Variants in ZNF680 observed in about 807,000 individuals in gnomAD.
ZNF680 encodes the protein zinc finger protein 680, also known as hypothetical protein FLJ90430.
In ZNF680, 6 loss-of-function variants were observed where a neutral mutation model predicts 12.1. That is an observed-to-expected ratio of 0.49 (90% CI 0.27 to 0.98). ZNF680 has a LOEUF of 0.98. Among genes scored for constraint, ZNF680 ranks in the 50% least tolerant of loss-of-function variants. The pLI, the probability that ZNF680 is intolerant of heterozygous loss-of-function variation, is 0.12. For synonymous variants in ZNF680, 170 were observed against 199.3 expected (o/e 0.85, Z 1.24); for missense variants, 561 against 616.3 (o/e 0.91, Z 0.95).
the ZNF680 span, among the ~76,000 whole-genome samples, chr7:64,499,972 C>G: frequency 2.6e-5 from 4 of 152,172 alleles, 1 homozygote; most frequent in East Asian, 7.7e-4. Flanking sequence ...AGACACACAA[C>G]TCTCCCTCCC....
At chr7:64,543,949 A>T in intron 2 of ZNF680, 147 bp from the exon 3 acceptor site, 1 of 744,652 alleles carries the variant, frequency 1.3e-6, no homozygotes. Context: ...CTAAATATTT[A>T]GAAAATACTT....
chr7:64,531,276 A>C (rs893125689), intron 3 of ZNF680, among the ~76,000 whole-genome samples: 1 of 152,130 alleles, frequency 6.6e-6, no homozygotes, highest in Non-Finnish European at 1.5e-5. Flanking sequence ...ATTATATCAA[A>C]CACTCTCTCA....
In ZNF680 at chr7:64,521,387, T is replaced by A; in HGVS notation, c.1367A>T (p.His456Leu). ...FSTLTNHKVI[H>L]TGEKSYKCDE... is the part of the protein sequence containing the mutation. ...ACATTTGTAGGATTTCTCTCCAGTATGAATTACTTTATGGTTAGTAAGGGT... is the reference window on the plus strand; with the variant it reads ...ACATTTGTAGGATTTCTCTCCAGTAAGAATTACTTTATGGTTAGTAAGGGT... The change falls in exon 4 of 4, where the codon CAT (histidine) becomes CTT (leucine). Residue 456 changes from histidine to leucine, a missense_variant. Transcript: ENST00000309683. 1 of 1,613,720 alleles carries A rather than the reference T, an allele frequency of 6.2e-7. No homozygotes were observed. The highest frequency in any genetic ancestry group is 8.5e-7 in the Non-Finnish European group (1 of 1,179,726).
the ZNF680 span, among the ~76,000 whole-genome samples, chr7:64,505,174 A>T: frequency 1.3e-5 from 2 of 152,262 alleles, no homozygotes; most frequent in Non-Finnish European, 2.9e-5. Context: ...CATTTCAAAA[A>T]GCATGGCAAT....
At chr7:64,509,666 G>A in the ZNF680 span, among the ~76,000 whole-genome samples, 390 of 152,230 alleles carry the variant, frequency 2.6e-3, 5 homozygotes, top group Admixed American at 0.022. Context: ...GGTACCCTGG[G>A]AGCCTTTTGG....
At chr7:64,526,809 T>C (rs1208790682) in intron 3 of ZNF680, among the ~76,000 whole-genome samples, 1 of 152,194 alleles carries the variant, frequency 6.6e-6, no homozygotes, top group Admixed American at 6.5e-5. Flanking sequence ...AAATTGAAGT[T>C]GTTATGAAAT....
chr7:64,505,784 T>C, the ZNF680 span, among the ~76,000 whole-genome samples: 4 of 151,974 alleles, frequency 2.6e-5, no homozygotes, highest in East Asian at 1.9e-4. Flanking sequence ...TTTTTTTTTT[T>C]CCTCTGCCAT....
chr7:64,522,447 A>C lies in ZNF680; in HGVS notation c.307T>G (p.Ser103Ala). ...DLWPEHSIKD[S>A]FQKVILRGYG... The stretch of plus-strand genomic sequence containing the variant: ...CCTCTCAGTATCACTTTTTGAAAAG[A>C]ATCTTTTATGCTATGCTCTGGCCAA... The change falls in exon 4 of 4, where the codon TCT becomes GCT. Residue 103 changes from serine to alanine, a missense_variant. Transcript: ENST00000309683. 9 of 1,597,654 alleles carry C rather than the reference A, an allele frequency of 5.6e-6. No homozygotes were observed. The highest frequency in any genetic ancestry group is 6.8e-6 in the Non-Finnish European group (8 of 1,173,436).
chr7:64,552,267 G>C (rs896306986), intron 1 of ZNF680, among the ~76,000 whole-genome samples: 7 of 152,160 alleles, frequency 4.6e-5, no homozygotes, highest in African/African-American at 1.4e-4. Context: ...TGGCCATTCT[G>C]GTCTCCAACT....
At chr7:64,544,630 G>A (rs1378139431) in intron 1 of ZNF680, among the ~76,000 whole-genome samples, 198 bp from the exon 2 acceptor site, 1 of 152,068 alleles carries the variant, frequency 6.6e-6, no homozygotes, top group Non-Finnish European at 1.5e-5. Context: ...CTTTAACTCA[G>A]ATAAGAGAAC....
At chr7:64,553,606 T>C (rs2116533834) in intron 1 of ZNF680, among the ~76,000 whole-genome samples, 1 of 152,198 alleles carries the variant, frequency 6.6e-6, no homozygotes, top group Middle Eastern at 3.4e-3. Context: ...ATCTGTGCCC[T>C]CTCCCTCTCC....
At chr7:64,523,576 A>G (rs1165730999) in intron 3 of ZNF680, among the ~76,000 whole-genome samples, 1 of 152,190 alleles carries the variant, frequency 6.6e-6, no homozygotes, top group Non-Finnish European at 1.5e-5. Context: ...ATGTAAAATT[A>G]ACTTTCCAAT....
downstream of ZNF680, among the ~76,000 whole-genome samples, chr7:64,517,611 C>T (rs1455909344): frequency 1.3e-5 from 2 of 152,016 alleles, no homozygotes; most frequent in East Asian, 1.9e-4. Flanking sequence ...CCAGCATCAC[C>T]CTAATACCAA....
intron 3 of ZNF680, among the ~76,000 whole-genome samples, chr7:64,531,862 G>A (rs938643728): frequency 6.6e-6 from 1 of 151,976 alleles, no homozygotes; most frequent in Admixed American, 6.6e-5. Context: ...AACTGAGACT[G>A]TAAGGTCACA....
chr7:64,522,196 T>C lies in ZNF680; in HGVS notation c.558A>G (p.Glu186=). 3 of 1,612,738 alleles carry C rather than the reference T, an allele frequency of 1.9e-6. No homozygotes were observed. The highest frequency in any genetic ancestry group is 2.5e-6 in the Non-Finnish European group (3 of 1,179,186). The change falls in exon 4 of 4, where the codon GAA becomes GAG. Residue 186 remains glutamate (E), a synonymous_variant. Transcript: ENST00000309683. The part of the protein sequence containing the change: ...NTGKKVFKCK[E]CGKSFCMLSH... Reference sequence around the variant, plus strand: ...AAAGCATGCAAAATGATTTGCCACATTCTTTACATTTGAAAACCTTCTTTC... The same window carrying C: ...AAAGCATGCAAAATGATTTGCCACACTCTTTACATTTGAAAACCTTCTTTC...
chr7:64,506,345 G>A, the ZNF680 span, among the ~76,000 whole-genome samples: 16 of 152,164 alleles, frequency 1.1e-4, no homozygotes, highest in African/African-American at 3.9e-4. Context: ...GGGACTACAG[G>A]TGCCCAGCTA....
At chr7:64,538,988 A>G (rs752063903) in intron 3 of ZNF680, among the ~76,000 whole-genome samples, 3 of 151,838 alleles carry the variant, frequency 2.0e-5, no homozygotes, top group Admixed American at 6.6e-5. Flanking sequence ...AAATTTAGCC[A>G]GGTGTGGTGG....
Position 64,522,465 on chromosome 7 carries a change from C to A in ZNF680, c.289G>T (p.Glu97Ter). Residue 97 changes from glutamate (E) to a stop codon, truncating the protein, a stop_gained, in exon 4 of 4, where the codon GAG (glutamate) becomes TAG (stop). Coordinates refer to ENST00000309683, the MANE Select transcript of ZNF680 (RefSeq NM_178558.5). LOFTEE classifies it low-confidence loss of function (END_TRUNC). ...YSHFTEDLWP[E>*]HSIKDSFQKV... ...TGAAAAGAATCTTTTATGCTATGCT[C>A]TGGCCAAAGGTCTTCAGTGAAATGA... 6.4e-7 allele frequency: 1 copy of A among 1,574,012 alleles called. No individual in the cohort carries two copies. Among genetic ancestry groups the A allele is most frequent in the Non-Finnish European group, 8.6e-7 (1 of 1,162,116 alleles).
At chr7:64,506,258 G>A in the ZNF680 span, among the ~76,000 whole-genome samples, 9 of 147,848 alleles carry the variant, frequency 6.1e-5, no homozygotes, top group South Asian at 2.1e-4. Flanking sequence ...GTGCAGGGGC[G>A]CCGGCGCCAT....
Sources: allele counts gnomAD v4.1 joint callset (sites outside exome capture counted in the v4.1 genomes callset), GRCh38; gene constraint gnomAD v4.1.1; transcripts MANE v1.5; gene names NCBI Gene and HGNC (gene_info 2026-07-23, HGNC 2026-07-21).